The following UBASH3B variants were observed in gnomAD, a reference collection of about 807,000 sequenced individuals.
The protein encoded by UBASH3B is ubiquitin-associated and SH3 domain-containing protein B.
Under a neutral mutation model 83.4 loss-of-function variants are expected in UBASH3B, and 37 were observed. The ratio of observed to expected loss-of-function variants is 0.44; its 90% CI spans 0.34 to 0.58. The LOEUF (loss-of-function observed/expected upper bound fraction) is 0.58, where lower values mean the gene tolerates loss of function less well. UBASH3B is among the 20% of genes least tolerant of loss of function. The pLI is 0.01. For synonymous variants in UBASH3B, 304 were observed against 318.3 expected, an observed-to-expected ratio of 0.96 and a Z score of 0.48; for missense variants, 657 against 827.2, an observed-to-expected ratio of 0.79 and a Z score of 2.52.
In UBASH3B at chr11:122,811,435, G is replaced by C. The variant is rs1264261264; in HGVS notation, c.*1549G>C. 1 of 152,144 alleles carries C rather than the reference G, an allele frequency of 6.6e-6. No individual in the cohort carries two copies. Among genetic ancestry groups the C allele is most frequent in the Non-Finnish European group, 1.5e-5 (1 of 68,024 alleles). 9.4% of individuals were successfully genotyped at this position (152,144 alleles called of 1,614,324 possible). On this transcript the variant is annotated 3_prime_UTR_variant, in exon 14 of 14. Coordinates refer to ENST00000284273, the MANE Select transcript of UBASH3B (RefSeq NM_032873.5). ...ACTACAACTTGATAACCCCTAGAAA[G>C]AAGAGGACATGAAAGGATGCTGGCT... is the stretch of plus-strand genomic sequence containing the variant.
chr11:122,781,650 T>C (rs971117618), intron 4 of UBASH3B, among the ~76,000 whole-genome samples: 3 of 152,210 alleles, frequency 2.0e-5, no homozygotes, highest in Non-Finnish European at 4.4e-5. Context: ...CTGGTCCCGC[T>C]CCTTATTACC....
intron 1 of UBASH3B, among the ~76,000 whole-genome samples, chr11:122,743,870 C>G (rs1861067478): frequency 6.6e-6 from 1 of 152,196 alleles, no homozygotes; most frequent in African/African-American, 2.4e-5. Context: ...CCCATATTGG[C>G]AGGCAGGAAG....
rs1361773104 is a variant in UBASH3B at position 122,774,755 on chromosome 11, G to C, written c.162-1464G>C. On this transcript the variant is annotated intron_variant, in intron 1 of 13. Transcript: ENST00000284273. Reference sequence around the variant, plus strand: ...AGCACCTATTGATCACCTATGATAGGTCAGACACTGTCCAAGGCTCCTTCT... The same window carrying C: ...AGCACCTATTGATCACCTATGATAGCTCAGACACTGTCCAAGGCTCCTTCT... Among the ~76,000 whole-genome samples the C allele has an allele frequency of 5.3e-5, 8 of 152,242 alleles. No homozygotes were observed. In the Middle Eastern group the frequency reaches 0.01, roughly 194 times the overall value.
chr11:122,760,512 C>T (rs1342612819), intron 1 of UBASH3B, among the ~76,000 whole-genome samples: 5 of 152,082 alleles, frequency 3.3e-5, no homozygotes, highest in Admixed American at 2.0e-4. Flanking sequence ...AGGCATGCAC[C>T]ACCGCACCTG....
Position 122,782,411 on chromosome 11 carries a change from G to A in UBASH3B, c.602-642G>A, listed in dbSNP as rs77906797. On this transcript the variant is annotated intron_variant, in intron 4 of 13. Coordinates refer to ENST00000284273, the MANE Select transcript of UBASH3B (RefSeq NM_032873.5). The stretch of plus-strand genomic sequence containing the variant: ...CCAGGGTACATTTGGCAATGTCTGA[G>A]GTCATTTTCAATTGTTACAGCTTGG... 1,198 of 152,246 alleles carry A rather than the reference G, an allele frequency of 7.9e-3. 24 individuals carry two copies. The highest frequency in any genetic ancestry group is 0.027 in the African/African-American group (1,121 of 41,502). 9.4% of individuals were successfully genotyped at this position (152,246 alleles called of 1,614,324 possible).
intron 1 of UBASH3B, among the ~76,000 whole-genome samples, chr11:122,690,238 A>C (rs866082870): frequency 7.7e-6 from 1 of 130,406 alleles, no homozygotes; most frequent in African/African-American, 2.9e-5. Context: ...ATCCAATTTT[A>C]TATATATATA....
At chr11:122,794,656 G>T in intron 6 of UBASH3B, 46 bp from the exon 7 acceptor site, 1 of 1,611,994 alleles carries the variant, frequency 6.2e-7, no homozygotes, top group South Asian at 1.1e-5. Flanking sequence ...AAGTGCTGAT[G>T]ACTGCTGGCC....
chr11:122,689,181 A>C (rs1258162997), intron 1 of UBASH3B, among the ~76,000 whole-genome samples: 1 of 152,208 alleles, frequency 6.6e-6, no homozygotes, highest in East Asian at 1.9e-4. Flanking sequence ...AATTTTGAAA[A>C]GTATGGAAAA....
Position 122,810,016 on chromosome 11 carries a change from T to C in UBASH3B, c.*130T>C, listed in dbSNP as rs1861412570. On this transcript the variant is annotated 3_prime_UTR_variant, in exon 14 of 14. Coordinates refer to ENST00000284273, the MANE Select transcript of UBASH3B (RefSeq NM_032873.5). The stretch of plus-strand genomic sequence containing the variant: ...TAATTTAGCATATTTCCTTTCACAC[T>C]TAAAGTTCTTAAGATGAGACTGTGT... 1 of 1,133,024 alleles carries C rather than the reference T, an allele frequency of 8.8e-7. No individual in the cohort carries two copies. The highest frequency in any genetic ancestry group is 1.6e-5 in the South Asian group (1 of 61,614). 70.2% of individuals were successfully genotyped at this position (1,133,024 alleles called of 1,614,324 possible).
At chr11:122,748,760 C>T (rs543412215) in intron 1 of UBASH3B, among the ~76,000 whole-genome samples, 4 of 152,292 alleles carry the variant, frequency 2.6e-5, no homozygotes, top group East Asian at 3.9e-4. Context: ...CAACTCTAAG[C>T]GCCTACCAAC....
chr11:122,792,696 C>T lies in UBASH3B; in HGVS notation c.981-2006C>T, dbSNP rs189399256. ...AAAGTAGAATAGCTGGTCTATTATACTGTGTGAACGGCACAAGATTTCCTT... is the reference window on the plus strand; with the variant it reads ...AAAGTAGAATAGCTGGTCTATTATATTGTGTGAACGGCACAAGATTTCCTT... On this transcript the variant is annotated intron_variant, in intron 6 of 13. Transcript: ENST00000284273. Among the ~76,000 whole-genome samples the T allele has an allele frequency of 1.7e-3, 265 of 152,292 alleles. 2 individuals are homozygous for T. Among genetic ancestry groups the T allele is most frequent in the African/African-American group, 6.1e-3 (254 of 41,582 alleles).
intron 1 of UBASH3B, among the ~76,000 whole-genome samples, chr11:122,661,445 A>G (rs1266058788): frequency 6.6e-6 from 1 of 152,172 alleles, no homozygotes; most frequent in Non-Finnish European, 1.5e-5. Flanking sequence ...GGCCAACCCA[A>G]CATCTCTGAA....
intron 1 of UBASH3B, among the ~76,000 whole-genome samples, chr11:122,738,910 G>A (rs10790523): frequency 0.55 from 83,540 of 150,840 alleles, 23,962 homozygotes; most frequent in African/African-American, 0.7. Flanking sequence ...AAAAAGTTAC[G>A]TTTATGAATT....
intron 1 of UBASH3B, among the ~76,000 whole-genome samples, chr11:122,743,260 G>A (rs541027072): frequency 6.6e-6 from 1 of 152,194 alleles, no homozygotes; most frequent in Non-Finnish European, 1.5e-5. Flanking sequence ...ATGTTGCCCA[G>A]GCTGGAGTGC....
At chr11:122,798,870 C>T (rs1861200136) in intron 9 of UBASH3B, 72 bp from the exon 10 acceptor site, 6 of 1,267,862 alleles carry the variant, frequency 4.7e-6, no homozygotes, top group Non-Finnish European at 5.7e-6. Context: ...TGCTTGGCCC[C>T]CTCTCACACT....
intron 1 of UBASH3B, among the ~76,000 whole-genome samples, chr11:122,708,020 G>A (rs1864146676): frequency 6.6e-6 from 1 of 152,058 alleles, no homozygotes; most frequent in South Asian, 2.1e-4. Flanking sequence ...TATGATGCCT[G>A]AATACTACGA....
At chr11:122,713,952 G>A (rs909061006) in intron 1 of UBASH3B, among the ~76,000 whole-genome samples, 2 of 150,574 alleles carry the variant, frequency 1.3e-5, no homozygotes, top group Non-Finnish European at 3.0e-5. Context: ...AGCAGGAAAC[G>A]AGTTTAGGTG....
chr11:122,797,141 A>T, intron 9 of UBASH3B, 108 bp downstream of exon 9: 1 of 1,420,130 alleles, frequency 7.0e-7, no homozygotes, highest in Non-Finnish European at 9.5e-7. Flanking sequence ...TAACTTTCCT[A>T]CAAGTTTCCT....
Position 122,656,021 on chromosome 11 carries a change from CT to C in UBASH3B, c.-27del. 2 of 1,534,842 alleles carry C rather than the reference CT, an allele frequency of 1.3e-6. No homozygotes were observed. Among genetic ancestry groups the C allele is most frequent in the Non-Finnish European group, 8.8e-7 (1 of 1,139,738 alleles). On this transcript the variant is annotated 5_prime_UTR_variant, in exon 1 of 14. Transcript: ENST00000284273. The stretch of plus-strand genomic sequence containing the variant: ...TTCCCGAACCATCCGGCTCGGGCTC[CT>C]TCCCTGGCGATGGCTGGCCGCTGAG...
Sources: gnomAD v4.1 joint callset for allele counts (sites outside exome capture counted in the v4.1 genomes callset) on GRCh38, gnomAD v4.1.1 for gene constraint, MANE v1.5 for transcripts, NCBI Gene and HGNC (gene_info 2026-07-23, HGNC 2026-07-21) for gene names.